The following LCLAT1 variants were observed in gnomAD, a reference collection of about 807,000 sequenced individuals.
The protein encoded by LCLAT1 is lysocardiolipin acyltransferase 1, also known as 1-AGP acyltransferase 8.
In LCLAT1, 11 loss-of-function variants were observed where a neutral mutation model predicts 30.7. That is an observed-to-expected ratio of 0.36 (90% CI 0.23 to 0.59). The LOEUF is 0.59. Among genes scored for constraint, LCLAT1 ranks in the 20% least tolerant of loss-of-function variants. The probability of loss-of-function intolerance (pLI) is 0.77; values close to 1 mark genes in which losing one functional copy is unlikely to be tolerated. For synonymous variants in LCLAT1, 155 were observed against 151.3 expected, an observed-to-expected ratio of 1.02 and a Z score of -0.18; for missense variants, 402 against 458.6, an observed-to-expected ratio of 0.88 and a Z score of 1.13.
chr2:30,476,571 C>T (rs142147268), intron 1 of LCLAT1: 1 of 454,542 alleles, frequency 2.2e-6, no homozygotes, highest in African/African-American at 2.0e-5. Flanking sequence ...CTCCTATCAT[C>T]CCCAGATAGG....
chr2:30,556,742 CT>C lies in LCLAT1; in HGVS notation c.365-5384del, dbSNP rs35188565. On this transcript the variant is annotated intron_variant, in intron 3 of 5. Coordinates refer to ENST00000379509, the MANE Select transcript of LCLAT1 (RefSeq NM_001002257.3). ...AACAGAAATAGAGTATTTAGAAAGT[CT>C]TTTTTTTTTTTTTTTTTTTGAGACG... 6.6e-3 allele frequency among the ~76,000 whole-genome samples: 763 copies of C among 114,792 alleles called. 2 individuals are homozygous for C. The highest frequency in any genetic ancestry group is 0.022 in the African/African-American group (656 of 29,372). 75.3% of individuals were successfully genotyped at this position (114,792 alleles called of 152,430 possible). A position where few individuals can be genotyped will look rare whatever the true frequency, so the allele number is the denominator to read the frequency against.
chr2:30,594,735 G>A (rs771195740), intron 5 of LCLAT1, among the ~76,000 whole-genome samples: 52 of 152,138 alleles, frequency 3.4e-4, no homozygotes, highest in Non-Finnish European at 6.8e-4. Flanking sequence ...CCTCTCAGGA[G>A]TTCCAGGTTA....
chr2:30,596,570 A>C (rs1227594139), intron 5 of LCLAT1, among the ~76,000 whole-genome samples: 1 of 151,406 alleles, frequency 6.6e-6, no homozygotes, highest in Non-Finnish European at 1.5e-5. Flanking sequence ...AGATTGCAAA[A>C]ATTTTCTCCC....
chr2:30,565,358 C>T (rs983099244), intron 4 of LCLAT1, among the ~76,000 whole-genome samples: 14 of 152,122 alleles, frequency 9.2e-5, no homozygotes, highest in African/African-American at 3.4e-4. Context: ...GGTCTTCATT[C>T]ACCTGATTTG....
rs559540287 is a variant in LCLAT1, at chr2:30,533,207, G to A, written c.257G>A (p.Arg86Gln). Residue 86 changes from arginine to glutamine, a missense_variant, in exon 3 of 6, where the codon CGG becomes CAG. Physicochemically the swap from Arg to Gln is conservative, Grantham distance 43. Transcript: ENST00000379509. ...AGAAGTGTCATTATCATGAACCATC[G>A]GACAAGAATGGACTGGATGTTCCTG... ...GERSVIIMNH[R>Q]TRMDWMFLWN... 1.5e-5 allele frequency: 24 copies of A among 1,613,820 alleles called. No individual in the cohort carries two copies. Among genetic ancestry groups the A allele is most frequent in the Admixed American group, 1.7e-5 (1 of 60,006 alleles).
In LCLAT1 at chr2:30,533,265, A is replaced by G. The variant is rs905565358; in HGVS notation, c.315A>G (p.Arg105=). ...GCCTGATGCGATATAGCTACCTCAG[A>G]TTGGAGAAAATTTGCCTCAAAGCGA... ...WNCLMRYSYL[R]LEKICLKASL... The change falls in exon 3 of 6, where the codon AGA becomes AGG. Residue 105 remains arginine, a synonymous_variant. Coordinates refer to ENST00000379509, the MANE Select transcript of LCLAT1 (RefSeq NM_001002257.3). The G allele has an allele frequency of 6.2e-7, 1 of 1,614,116 alleles. No individual in the cohort carries two copies. Among genetic ancestry groups the G allele is most frequent in the African/African-American group, 1.3e-5 (1 of 75,058 alleles).
intron 1 of LCLAT1, among the ~76,000 whole-genome samples, chr2:30,462,258 T>C (rs898155818): frequency 6.6e-6 from 1 of 152,148 alleles, no homozygotes; most frequent in Non-Finnish European, 1.5e-5. Flanking sequence ...GTTTCTTGGA[T>C]GGGGCACTCA....
In LCLAT1 at chr2:30,592,691, T is replaced by C. The variant is rs145033180; in HGVS notation, c.628+24515T>C. Among the ~76,000 whole-genome samples the C allele has an allele frequency of 5.5e-3, 840 of 152,354 alleles. 10 individuals are homozygous for C. The highest frequency in any genetic ancestry group is 0.019 in the African/African-American group (803 of 41,586). On this transcript the variant is annotated intron_variant, in intron 5 of 5. Transcript: ENST00000379509. The stretch of plus-strand genomic sequence containing the variant: ...CATTTTAGTAGCATCTATTTAAATA[T>C]ATTTAGTTACACATTGATTACAAAT...
At chr2:30,625,179 A>G (rs1668446268) in intron 5 of LCLAT1, among the ~76,000 whole-genome samples, 1 of 152,230 alleles carries the variant, frequency 6.6e-6, no homozygotes, top group Non-Finnish European at 1.5e-5. Context: ...TCACACCTCA[A>G]AGAACTAGAG....
intron 5 of LCLAT1, among the ~76,000 whole-genome samples, chr2:30,577,371 C>G (rs1186101269): frequency 2.6e-5 from 4 of 152,032 alleles, no homozygotes; most frequent in African/African-American, 9.7e-5. Flanking sequence ...CTTTCACTCC[C>G]TCCACACAAG....
chr2:30,462,583 A>G (rs1682210215), intron 1 of LCLAT1, among the ~76,000 whole-genome samples: 1 of 152,202 alleles, frequency 6.6e-6, no homozygotes, highest in Non-Finnish European at 1.5e-5. Flanking sequence ...AACTTCTGAA[A>G]CCAGGGTCTA....
At chr2:30,526,740 C>T (rs766735111) in intron 2 of LCLAT1, among the ~76,000 whole-genome samples, 4 of 152,182 alleles carry the variant, frequency 2.6e-5, no homozygotes, top group African/African-American at 9.6e-5. Flanking sequence ...ATGAACAGGA[C>T]AGATATGATC....
chr2:30,466,734 C>T (rs1051490635), intron 1 of LCLAT1, among the ~76,000 whole-genome samples: 2 of 152,140 alleles, frequency 1.3e-5, no homozygotes, highest in Non-Finnish European at 2.9e-5. Context: ...TGAGCTTCTG[C>T]ATTTTTAACA....
At chr2:30,559,088 G>A (rs1180064085) in intron 3 of LCLAT1, among the ~76,000 whole-genome samples, 6 of 152,248 alleles carry the variant, frequency 3.9e-5, no homozygotes, top group Middle Eastern at 3.4e-3. Context: ...GAAATATTGA[G>A]CATAAGAAGC....
intron 5 of LCLAT1, among the ~76,000 whole-genome samples, chr2:30,587,809 C>T (rs1244832255): frequency 6.6e-6 from 1 of 151,584 alleles, no homozygotes; most frequent in African/African-American, 2.4e-5. Flanking sequence ...TAGTTGAACT[C>T]TATTGGAAGT....
intron 3 of LCLAT1, among the ~76,000 whole-genome samples, chr2:30,534,939 A>G (rs1410752828): frequency 3.3e-5 from 5 of 152,352 alleles, no homozygotes; most frequent in African/African-American, 1.2e-4. Flanking sequence ...TTGATTCTAC[A>G]TGAGATATAC....
At chr2:30,510,915 C>G (rs963262729) in intron 1 of LCLAT1, among the ~76,000 whole-genome samples, 1 of 151,996 alleles carries the variant, frequency 6.6e-6, no homozygotes, top group African/African-American at 2.4e-5. Flanking sequence ...TTTATTTTCC[C>G]ACAAGAACAT....
At chr2:30,598,119 C>A (rs752637823) in intron 5 of LCLAT1, among the ~76,000 whole-genome samples, 6 of 152,088 alleles carry the variant, frequency 3.9e-5, no homozygotes, top group Non-Finnish European at 8.8e-5. Flanking sequence ...TGATATATCT[C>A]TGCCAGGTTT....
chr2:30,563,950 T>G (rs1665357690), intron 4 of LCLAT1, among the ~76,000 whole-genome samples: 1 of 152,180 alleles, frequency 6.6e-6, no homozygotes, highest in Non-Finnish European at 1.5e-5. Context: ...TTTTTTATAC[T>G]AGTCAGATCT....
Sources: allele counts gnomAD v4.1 joint callset (sites outside exome capture counted in the v4.1 genomes callset), GRCh38; gene constraint gnomAD v4.1.1; transcripts MANE v1.5; gene names NCBI Gene and HGNC (gene_info 2026-07-23, HGNC 2026-07-21).